The following RNF207 variants were observed in gnomAD, a reference collection of about 807,000 sequenced individuals.
RNF207 encodes ring finger protein 207.
A neutral mutation model predicts 79.0 loss-of-function variants in RNF207; 72 were observed. The ratio of observed to expected loss-of-function variants is 0.91; its 90% CI spans 0.75 to 1.11. The LOEUF is 1.11. RNF207 is among the 50% of genes least tolerant of loss of function. The pLI, the probability that RNF207 is intolerant of heterozygous loss-of-function variation, is 0.00. For missense variants in RNF207, 936 were observed against 855.8 expected (o/e 1.09, Z -1.17); for synonymous variants, 348 against 366.2 (o/e 0.95, Z 0.57).
At chr1:6,212,536 G>A in intron 14 of RNF207, 120 bp downstream of exon 14, 5 of 1,267,668 alleles carry the variant, frequency 3.9e-6, no homozygotes, top group Non-Finnish European at 5.6e-6. Context: ...CATGTGGCAG[G>A]GTCTGGAAAC....
chr1:6,206,441 G>C, intron 1 of RNF207, 95 bp from the exon 2 acceptor site: 1 of 895,702 alleles, frequency 1.1e-6, no homozygotes, highest in Non-Finnish European at 1.7e-6. Flanking sequence ...GTCCAGGCGC[G>C]ATAGGGAGGG....
intron 16 of RNF207, among the ~76,000 whole-genome samples, chr1:6,215,630 T>C (rs1004469304): frequency 1.3e-5 from 2 of 152,218 alleles, no homozygotes; most frequent in African/African-American, 4.8e-5. Flanking sequence ...ATTTTCTCCC[T>C]GAAGTGTTTC....
chr1:6,206,263 G>T lies in RNF207; in HGVS notation c.-40G>T. ...AAGAGCGCTGGACGGCGGGAGAGAG[G>T]CTCGGAGGACCGGTAGCTCCCAGCA... On this transcript the variant is annotated 5_prime_UTR_variant, in exon 1 of 18. Transcript: ENST00000377939. 2.4e-6 allele frequency: 1 copy of T among 416,232 alleles called. No homozygotes were observed. Among genetic ancestry groups the T allele is most frequent in the South Asian group, 4.4e-5 (1 of 22,848 alleles). 25.8% of individuals were successfully genotyped at this position (416,232 alleles called of 1,614,324 possible).
At chr1:6,210,683 C>A in intron 10 of RNF207, 187 bp from the exon 11 acceptor site, 1 of 660,570 alleles carries the variant, frequency 1.5e-6, no homozygotes. Flanking sequence ...GGAGTCCAGC[C>A]GCCCCCTCTC....
In RNF207 at chr1:6,211,992, T is replaced by G; in HGVS notation, c.1235T>G (p.Leu412Arg). Residue 412 changes from leucine to arginine, a missense_variant, in exon 13 of 18, where the codon CTG becomes CGG. Physicochemically the swap from Leu to Arg is moderately radical, Grantham distance 102. Coordinates refer to ENST00000377939, the MANE Select transcript of RNF207 (RefSeq NM_207396.3). The surrounding 1 kb of genome is among the most constrained non-coding windows in gnomAD (Gnocchi z 4.2). ...CGGTCCATCAGCACCAAGGTGCTGC[T>G]GGCGGAGGGCGAGAACACGCCCTTC... is the stretch of plus-strand genomic sequence containing the variant. ...LHRSISTKVL[L>R]AEGENTPFAE... 6.3e-7 allele frequency: 1 copy of G among 1,587,598 alleles called. No homozygotes were observed.
In RNF207 at chr1:6,206,697, C is replaced by G. The variant is rs773825784; in HGVS notation, c.162C>G (p.Thr54=). The G allele has an allele frequency of 6.2e-7, 1 of 1,602,184 alleles. No individual in the cohort carries two copies. Among genetic ancestry groups the G allele is most frequent in the East Asian group, 2.2e-5 (1 of 44,856 alleles). ...CCGGCTGCCTGCGTGGCCGCGCGAC[C>G]GACGGCCGCCTCACCTGCCCGCTGT... ...FCAGCLRGRA[T]DGRLTCPLCQ... The change falls in exon 2 of 18, where the codon ACC becomes ACG. Residue 54 remains threonine (T), a synonymous_variant. Transcript: ENST00000377939.
chr1:6,210,138 C>A, intron 8 of RNF207, 85 bp from the exon 9 acceptor site: 2 of 1,361,798 alleles, frequency 1.5e-6, no homozygotes, highest in Non-Finnish European at 2.1e-6. Context: ...CAGGGACGGA[C>A]ATGCGAAGCT....
At chr1:6,210,475 A>C in intron 10 of RNF207, 37 bp downstream of exon 10, 2 of 1,540,096 alleles carry the variant, frequency 1.3e-6, no homozygotes, top group Non-Finnish European at 1.8e-6. Context: ...CCCCCTCCCC[A>C]CCAGGAGCCC....
rs1026507148 is a variant in RNF207, at chr1:6,207,074, G to A, written c.192-305G>A. On this transcript the variant is annotated intron_variant, in intron 2 of 17. Coordinates refer to ENST00000377939, the MANE Select transcript of RNF207 (RefSeq NM_207396.3). The surrounding 1 kb of genome is among the most constrained non-coding windows in gnomAD (Gnocchi z 4.5). ...TCCACAAAACCACAGTTTCAGTTAT[G>A]TGGGCTCAAGGAACCCAGGAGTGGC... Among the ~76,000 whole-genome samples the A allele has an allele frequency of 3.9e-5, 6 of 152,162 alleles. No individual in the cohort carries two copies. The highest frequency in any genetic ancestry group is 7.3e-5 in the Non-Finnish European group (5 of 68,034).
At position 6,220,131 on chromosome 1, in the gene RNF207, A is replaced by AT. The variant is rs2100952035; in HGVS notation, c.*724_*725insT. The AT allele has an allele frequency of 6.6e-6, 1 of 152,278 alleles. No individual in the cohort carries two copies. Among genetic ancestry groups the AT allele is most frequent in the South Asian group, 2.1e-4 (1 of 4,816 alleles). The allele number at this position is 152,278 out of a possible 1,614,324, so 9.4% of individuals were successfully genotyped here. A position where few individuals can be genotyped will look rare whatever the true frequency, so the allele number is the denominator to read the frequency against. On this transcript the variant is annotated 3_prime_UTR_variant, in exon 18 of 18. Transcript: ENST00000377939. ...CTTTAAAAGGTAATCATTTGTCAAG[A>AT]GTAAAACCCAGAAGCTCTGACAGGC...
At position 6,212,319 on chromosome 1, in the gene RNF207, A is replaced by C; in HGVS notation, c.1385A>C (p.Glu462Ala). The change falls in exon 14 of 18, where the codon GAG becomes GCG. Residue 462 changes from glutamate to alanine, a missense_variant. By Grantham distance (107) the Glu-to-Ala change is moderately radical. Coordinates refer to ENST00000377939, the MANE Select transcript of RNF207 (RefSeq NM_207396.3). ...AAGCACCACTCGCTCATCAAGGCGG[A>C]GATCATGGGAGACGTCCTGCACAAG... ...LTKHHSLIKA[E>A]IMGDVLHKSL... 6.2e-7 allele frequency: 1 copy of C among 1,613,632 alleles called. No individual in the cohort carries two copies. Among genetic ancestry groups the C allele is most frequent in the Non-Finnish European group, 8.5e-7 (1 of 1,179,942 alleles).
At chr1:6,206,343 G>A (rs1667897118) in intron 1 of RNF207, 41 bp downstream of exon 1, 3 of 576,772 alleles carry the variant, frequency 5.2e-6, no homozygotes, top group Admixed American at 3.2e-5. Context: ...CTCACTGCCT[G>A]TTCTCCCTGC....
At chr1:6,212,144 T>A in intron 13 of RNF207, 87 bp from the exon 14 acceptor site, 2 of 1,532,630 alleles carry the variant, frequency 1.3e-6, no homozygotes, top group Non-Finnish European at 1.8e-6. Context: ...TCCCAGCTGC[T>A]GAAGCTGGGA....
chr1:6,209,807 G>C, intron 7 of RNF207, 117 bp from the exon 8 acceptor site: 1 of 1,149,932 alleles, frequency 8.7e-7, no homozygotes, highest in Admixed American at 2.4e-5. Context: ...ATGCAGGGCT[G>C]GTAGGTTGGA....
chr1:6,212,245 G>C lies in RNF207; in HGVS notation c.1311G>C (p.Glu437Asp), dbSNP rs1192778903. 2 of 1,612,976 alleles carry C rather than the reference G, an allele frequency of 1.2e-6. No individual in the cohort carries two copies. Among genetic ancestry groups the C allele is most frequent in the East Asian group, 2.2e-5 (1 of 44,892 alleles). The change falls in exon 14 of 18, where the codon GAG becomes GAC. Residue 437 changes from glutamate to aspartate, a missense_variant. Transcript: ENST00000377939. ...TCTCTGTGCAGCACCTGCAGGCAGA[G>C]ATGCAGAGCCTAAAGGACCAGGTAC... is the stretch of plus-strand genomic sequence containing the variant. ...YEDSYRHLQA[E>D]MQSLKDQVQE...
Position 6,213,135 on chromosome 1 carries a change from C to T in RNF207, c.1604C>T (p.Thr535Met), listed in dbSNP as rs368780534. 5.5e-5 allele frequency: 89 copies of T among 1,613,260 alleles called. No homozygotes were observed. The highest frequency in any genetic ancestry group is 7.0e-5 in the Non-Finnish European group (82 of 1,179,778). Residue 535 changes from threonine to methionine, a missense_variant, in exon 16 of 18, where the codon ACG becomes ATG. Physicochemically the swap from Thr to Met is moderately conservative, Grantham distance 81. Coordinates refer to ENST00000377939, the MANE Select transcript of RNF207 (RefSeq NM_207396.3). ...CTGACCACCATCACCAAGCAGATCA[C>T]GCCCTACGTCCGCTCCATTGCCAAG... Reference protein sequence around the residue: ...AYLTTITKQITPYVRSIAKVK... With the variant: ...AYLTTITKQIMPYVRSIAKVK...
rs1326613914 is a variant in RNF207, at chr1:6,220,548, C to G, written c.*1141C>G. On this transcript the variant is annotated 3_prime_UTR_variant, in exon 18 of 18. Coordinates refer to ENST00000377939, the MANE Select transcript of RNF207 (RefSeq NM_207396.3). ...GGATGAGGAACGTTTGCTCCAGCTT[C>G]TCTCCCTTTCCAGCAAGGGCAGAGC... 1 of 152,222 alleles carries G rather than the reference C, an allele frequency of 6.6e-6. No homozygotes were observed. Among genetic ancestry groups the G allele is most frequent in the Non-Finnish European group, 1.5e-5 (1 of 68,060 alleles). 9.4% of individuals were successfully genotyped at this position (152,222 alleles called of 1,614,324 possible). A position where few individuals can be genotyped will look rare whatever the true frequency, so the allele number is the denominator to read the frequency against.
Position 6,206,643 on chromosome 1 carries a change from T to C in RNF207, c.108T>C (p.Cys36=). 8 of 1,608,174 alleles carry C rather than the reference T, an allele frequency of 5.0e-6. No homozygotes were observed. Among genetic ancestry groups the C allele is most frequent in the Non-Finnish European group, 6.8e-6 (8 of 1,179,846 alleles). ...GCCACGTGCAGTACGAGCGCCCGTG[T>C]CTTCTGGACTGTTTCCACGACTTCT... is the stretch of plus-strand genomic sequence containing the variant. ...PLCHVQYERP[C]LLDCFHDFCA... Residue 36 remains cysteine (C), a synonymous_variant, in exon 2 of 18, where the codon TGT becomes TGC. Transcript: ENST00000377939.
Position 6,209,986 on chromosome 1 carries a change from CG to C in RNF207, c.800+20del. The C allele has an allele frequency of 6.4e-7, 1 of 1,571,420 alleles. No individual in the cohort carries two copies. On this transcript the variant is annotated intron_variant, in intron 8 of 17. Coordinates refer to ENST00000377939, the MANE Select transcript of RNF207 (RefSeq NM_207396.3). ...CTGTGCAGAGGTGAGTTGGGGGGAG[CG>C]GGGCTTGCTTCCCTTACCCCTTGGC... is the stretch of plus-strand genomic sequence containing the variant.
Sources: gnomAD v4.1 joint callset for allele counts (sites outside exome capture counted in the v4.1 genomes callset) on GRCh38, gnomAD v4.1.1 for gene constraint, Gnocchi (gnomAD v3.1) non-coding constraint, MANE v1.5 for transcripts, NCBI Gene and HGNC (gene_info 2026-07-23, HGNC 2026-07-21) for gene names.